LRCH1: variants seen among roughly 807,000 people sequenced by gnomAD.
LRCH1 encodes leucine rich repeats and calponin homology domain containing 1, also known as leucine-rich repeat and calponin homology domain-containing protein 1.
Under a neutral mutation model 94.9 loss-of-function variants are expected in LRCH1, and 23 were observed. The ratio of observed to expected loss-of-function variants is 0.24; its 90% CI spans 0.17 to 0.34. LRCH1 has a LOEUF of 0.34. Ranked by LOEUF, LRCH1 falls within the 10% of genes least tolerant of loss-of-function variation. The pLI, the probability that LRCH1 is intolerant of heterozygous loss-of-function variation, is 1.00. For missense variants in LRCH1, 790 were observed against 945.9 expected (o/e 0.84, Z 2.16); for synonymous variants, 364 against 354.9 (o/e 1.03, Z -0.29).
At chr13:46,669,621 T>C (rs2051570584) in intron 3 of LRCH1, among the ~76,000 whole-genome samples, 1 of 152,210 alleles carries the variant, frequency 6.6e-6, no homozygotes, top group African/African-American at 2.4e-5. Context: ...TTTTAAAATG[T>C]GACCGTGTCC....
At chr13:46,627,472 AT>A (rs79884924) in intron 1 of LRCH1, among the ~76,000 whole-genome samples, 127,159 of 152,176 alleles carry the variant, frequency 0.84, 53,678 homozygotes, top group African/African-American at 0.95. Flanking sequence ...AGATAAAAAA[AT>A]CGAGAAGTTG....
intron 16 of LRCH1, 122 bp downstream of exon 16, chr13:46,715,786 A>C: frequency 1.5e-6 from 1 of 669,436 alleles, no homozygotes; most frequent in South Asian, 1.8e-5. Context: ...ATGAGAAATA[A>C]TGTGTAAGCC....
chr13:46,669,810 G>A (rs1440702810), intron 3 of LRCH1, among the ~76,000 whole-genome samples: 1 of 151,948 alleles, frequency 6.6e-6, no homozygotes, highest in African/African-American at 2.4e-5. Context: ...CATAGGTGAA[G>A]GAAGAAGCAG....
chr13:46,595,850 A>T (rs1464571552), intron 1 of LRCH1, among the ~76,000 whole-genome samples: 1 of 146,546 alleles, frequency 6.8e-6, no homozygotes, highest in Non-Finnish European at 1.5e-5. Context: ...ATGGAATCCA[A>T]AGCACGGCCT....
At chr13:46,601,199 C>T (rs912840791) in intron 1 of LRCH1, among the ~76,000 whole-genome samples, 10 of 152,262 alleles carry the variant, frequency 6.6e-5, no homozygotes, top group East Asian at 3.9e-4. Context: ...CCTCAGAGCC[C>T]GCAGCATGAT....
intron 2 of LRCH1, among the ~76,000 whole-genome samples, chr13:46,666,614 AG>A (rs2051519696): frequency 6.6e-6 from 1 of 152,228 alleles, no homozygotes. Context: ...CCTCTTCAAA[AG>A]GAGGTTTACG....
Position 46,744,632 on chromosome 13 carries a change from A to G in LRCH1, c.*2784A>G, listed in dbSNP as rs1444213312. ...TGATAGCCTGCTGCTATTTGTTTGT[A>G]AGAAATTAAAACTAGCGCGTGGTGA... On this transcript the variant is annotated 3_prime_UTR_variant, in exon 20 of 20. Transcript: ENST00000389797. 5 of 985,304 alleles carry G rather than the reference A, an allele frequency of 5.1e-6. No individual in the cohort carries two copies. Among genetic ancestry groups the G allele is most frequent in the African/African-American group, 1.7e-5 (1 of 57,230 alleles). 61.0% of individuals were successfully genotyped at this position (985,304 alleles called of 1,614,324 possible).
chr13:46,658,360 C>T (rs772214457), intron 2 of LRCH1, among the ~76,000 whole-genome samples: 10 of 152,110 alleles, frequency 6.6e-5, no homozygotes, highest in Admixed American at 2.0e-4. Flanking sequence ...CCACAATTTC[C>T]CTGTCCATAG....
intron 1 of LRCH1, among the ~76,000 whole-genome samples, chr13:46,623,693 G>GTTTTTTTTTTTTTTTTTTTTTT (rs5803361): frequency 3.9e-5 from 5 of 128,504 alleles, no homozygotes; most frequent in Non-Finnish European, 6.4e-5. Context: ...CCCTGTCTCT[G>GTTTTTTTTTTTTTTTTTTTTTT]TTTTTTTTTT....
At chr13:46,565,329 C>T (rs997659840) in intron 1 of LRCH1, among the ~76,000 whole-genome samples, 8 of 152,088 alleles carry the variant, frequency 5.3e-5, no homozygotes, top group African/African-American at 1.9e-4. Context: ...TATATCCTTT[C>T]GGCAGTCTTG....
rs1274708427 is a variant in LRCH1 at position 46,652,059 on chromosome 13, T to TG, written c.452+1714_452+1715insG. Among the ~76,000 whole-genome samples, 16 of 107,870 alleles carry TG rather than the reference T, an allele frequency of 1.5e-4. 3 individuals carry two copies. The highest frequency in any genetic ancestry group is 1.8e-4 in the Non-Finnish European group (9 of 50,760). The allele number at this position is 107,870 out of a possible 152,430, so 70.8% of individuals were successfully genotyped here. A position where few individuals can be genotyped will look rare whatever the true frequency, so the allele number is the denominator to read the frequency against. On this transcript the variant is annotated intron_variant, in intron 2 of 19. Coordinates refer to ENST00000389797, the MANE Select transcript of LRCH1 (RefSeq NM_001164211.2). Reference sequence around the variant, plus strand: ...CCGGCCACCAGGCCTGCTGATGTTTTTTTTTTTTTTTTTTTTGTTTTGTTT... The same window carrying TG: ...CCGGCCACCAGGCCTGCTGATGTTTTGTTTTTTTTTTTTTTTTGTTTTGTTT...
intron 1 of LRCH1, among the ~76,000 whole-genome samples, chr13:46,586,996 C>T (rs1165157973): frequency 6.6e-6 from 1 of 152,206 alleles, no homozygotes; most frequent in East Asian, 1.9e-4. Flanking sequence ...GTTAAATGAC[C>T]TCAGGAGTGG....
chr13:46,643,430 C>CAA (rs2051182904), intron 1 of LRCH1, among the ~76,000 whole-genome samples: 1 of 152,186 alleles, frequency 6.6e-6, no homozygotes, highest in Admixed American at 6.5e-5. Context: ...TCCTTCCTTT[C>CAA]TCTCTTTTTC....
chr13:46,650,449 C>T, intron 2 of LRCH1, 104 bp downstream of exon 2: 1 of 966,862 alleles, frequency 1.0e-6, no homozygotes, highest in Non-Finnish European at 1.5e-6. Context: ...CTTGATTTTT[C>T]TTTGATGTAG....
intron 1 of LRCH1, among the ~76,000 whole-genome samples, chr13:46,562,039 T>G (rs149637387): frequency 3.3e-5 from 5 of 152,320 alleles, no homozygotes; most frequent in Middle Eastern, 3.4e-3. Flanking sequence ...TTGTATGGCT[T>G]CCATGCCCAG....
At chr13:46,618,828 G>C (rs1014047481) in intron 1 of LRCH1, among the ~76,000 whole-genome samples, 17 of 152,124 alleles carry the variant, frequency 1.1e-4, no homozygotes, top group African/African-American at 4.1e-4. Flanking sequence ...GAGGCTCAGA[G>C]TTGAATTCTG....
At chr13:46,601,755 C>T (rs1026134375) in intron 1 of LRCH1, among the ~76,000 whole-genome samples, 1 of 152,158 alleles carries the variant, frequency 6.6e-6, no homozygotes, top group African/African-American at 2.4e-5. Context: ...GTCATGATCA[C>T]GTAGGACCAG....
At position 46,553,708 on chromosome 13, in the gene LRCH1, G is replaced by A. The variant is rs757004897; in HGVS notation, c.307+5G>A. 1 of 1,608,710 alleles carries A rather than the reference G, an allele frequency of 6.2e-7. No individual in the cohort carries two copies. The highest frequency in any genetic ancestry group is 8.5e-7 in the Non-Finnish European group (1 of 1,178,926). On this transcript the variant is annotated splice_donor_5th_base_variant and intron_variant, in intron 1 of 19. Transcript: ENST00000389797. The stretch of plus-strand genomic sequence containing the variant: ...TCTCGGACACGGTGCAGGCAGGTGA[G>A]TGAGGGCCGAGGGGCGGGCAGGGGT...
intron 2 of LRCH1, among the ~76,000 whole-genome samples, chr13:46,667,790 AC>A (rs2051539452): frequency 6.6e-6 from 1 of 152,234 alleles, no homozygotes; most frequent in Non-Finnish European, 1.5e-5. Context: ...TGATAAAAGC[AC>A]TTGTAGAAAG....
Sources: gnomAD v4.1 joint callset for allele counts (sites outside exome capture counted in the v4.1 genomes callset) on GRCh38, gnomAD v4.1.1 for gene constraint, MANE v1.5 for transcripts, NCBI Gene and HGNC (gene_info 2026-07-23, HGNC 2026-07-21) for gene names.